Variants in TMEM132D observed in about 807,000 individuals in gnomAD.
TMEM132D encodes mature OL transmembrane protein.
A neutral mutation model predicts 62.3 loss-of-function variants in TMEM132D; 21 were observed. The observed-to-expected ratio is 0.34, with a 90% confidence interval of 0.24 to 0.49. TMEM132D has a LOEUF of 0.49. Among genes scored for constraint, TMEM132D ranks in the 20% least tolerant of loss-of-function variants. The pLI, the probability that TMEM132D is intolerant of heterozygous loss-of-function variation, is 0.99. For synonymous variants in TMEM132D, 621 were observed against 575.6 expected (o/e 1.08, Z -1.13); for missense variants, 1,346 against 1,402.8 (o/e 0.96, Z 0.65).
chr12:129,854,668 G>C (rs1397422687), intron 1 of TMEM132D: 1 of 152,218 alleles, frequency 6.6e-6, no homozygotes, highest in African/African-American at 2.4e-5. Context: ...CCAGCTGCGG[G>C]CCAGGAACTC....
chr12:129,524,394 A>G (rs892079398), intron 3 of TMEM132D, among the ~76,000 whole-genome samples: 4 of 152,180 alleles, frequency 2.6e-5, no homozygotes, highest in African/African-American at 9.7e-5. Flanking sequence ...ACATGCTACT[A>G]TTCAAGATTT....
chr12:129,496,023 C>T (rs997927619), intron 3 of TMEM132D, among the ~76,000 whole-genome samples: 5 of 152,202 alleles, frequency 3.3e-5, no homozygotes, highest in African/African-American at 1.2e-4. Flanking sequence ...GAGAACCTCG[C>T]ACCCTTTTTT....
intron 2 of TMEM132D, among the ~76,000 whole-genome samples, chr12:129,596,176 A>T (rs903772755): frequency 1.3e-5 from 2 of 152,182 alleles, no homozygotes; most frequent in African/African-American, 4.8e-5. Context: ...CAGGAGTACA[A>T]TGGAAAAACA....
intron 2 of TMEM132D, among the ~76,000 whole-genome samples, chr12:129,531,722 A>G (rs759146520): frequency 6.6e-6 from 1 of 152,156 alleles, no homozygotes; most frequent in African/African-American, 2.4e-5. Flanking sequence ...GGAAGGAACA[A>G]TGATGGCCTC....
chr12:129,287,966 A>G (rs961597534), intron 4 of TMEM132D, among the ~76,000 whole-genome samples: 1 of 152,166 alleles, frequency 6.6e-6, no homozygotes, highest in African/African-American at 2.4e-5. Flanking sequence ...ATATATTTCA[A>G]AATCGGGAAG....
In TMEM132D at chr12:129,240,140, A is replaced by T. The variant is rs1472122395; in HGVS notation, c.1300-30477T>A. ...AATATACGCAAGCATAAAGAATAAA[A>T]CAGCAATGAGCAGTAATCCCGCCAC... On this transcript the variant is annotated intron_variant, in intron 4 of 8. Coordinates refer to ENST00000422113, the MANE Select transcript of TMEM132D (RefSeq NM_133448.3). 4.6e-5 allele frequency among the ~76,000 whole-genome samples: 7 copies of T among 152,308 alleles called. No individual in the cohort carries two copies. In the Middle Eastern group the frequency reaches 0.01, roughly 222 times the overall value.
At position 129,884,043 on chromosome 12, in the gene TMEM132D, C is replaced by T. The variant is rs146453931; in HGVS notation, c.79+19218G>A. ...ACCTCCTGAGCTAAAGCGATCCTCC[C>T]ACCTCAGCCTCCCAAGAAACTAGGA... is the stretch of plus-strand genomic sequence containing the variant. On this transcript the variant is annotated intron_variant, in intron 1 of 8. Coordinates refer to ENST00000422113, the MANE Select transcript of TMEM132D (RefSeq NM_133448.3). 2.8e-4 allele frequency among the ~76,000 whole-genome samples: 43 copies of T among 152,292 alleles called. No homozygotes were observed. The East Asian group carries it at 7.9e-3, about 28-fold the overall frequency.
intron 1 of TMEM132D, among the ~76,000 whole-genome samples, chr12:129,792,532 C>T (rs10847949): frequency 0.57 from 86,658 of 152,022 alleles, 26,845 homozygotes; most frequent in Non-Finnish European, 0.71. Context: ...ACCTGTGAGG[C>T]ACCAGGCGCT....
chr12:129,117,941 A>G (rs1252785644), intron 5 of TMEM132D, among the ~76,000 whole-genome samples: 1 of 152,242 alleles, frequency 6.6e-6, no homozygotes, highest in Non-Finnish European at 1.5e-5. Flanking sequence ...AACAGCAGGA[A>G]GCATGTGTGG....
At chr12:129,717,806 C>G (rs1868643900) in intron 1 of TMEM132D, among the ~76,000 whole-genome samples, 1 of 152,122 alleles carries the variant, frequency 6.6e-6, no homozygotes, top group Non-Finnish European at 1.5e-5. Context: ...TCCAAGAACT[C>G]TAGCAATGCC....
Position 129,481,650 on chromosome 12 carries a change from G to C in TMEM132D, c.1115+49409C>G, listed in dbSNP as rs540109275. On this transcript the variant is annotated intron_variant, in intron 3 of 8. Transcript: ENST00000422113. Reference sequence around the variant, plus strand: ...TTTCAGCTGTAATATTGTCAAATTAGAAAAAAATAACATTTGCTATGAGCA... The same window carrying C: ...TTTCAGCTGTAATATTGTCAAATTACAAAAAAATAACATTTGCTATGAGCA... Among the ~76,000 whole-genome samples, 3 of 152,224 alleles carry C rather than the reference G, an allele frequency of 2.0e-5. No homozygotes were observed. The South Asian group carries it at 6.2e-4, about 32-fold the overall frequency.
intron 5 of TMEM132D, among the ~76,000 whole-genome samples, chr12:129,203,661 A>C (rs181642487): frequency 6.6e-6 from 1 of 152,096 alleles, no homozygotes; most frequent in African/African-American, 2.4e-5. Context: ...TGGGCAGGGA[A>C]CTCCACCCTC....
chr12:129,539,256 G>A (rs1876513939), intron 2 of TMEM132D, among the ~76,000 whole-genome samples: 1 of 147,258 alleles, frequency 6.8e-6, no homozygotes, highest in African/African-American at 2.6e-5. Context: ...TTTTGAGACA[G>A]ACTCTTACTC....
intron 3 of TMEM132D, among the ~76,000 whole-genome samples, chr12:129,395,949 TA>T (rs921553170): frequency 4.3e-4 from 62 of 144,026 alleles, no homozygotes; most frequent in Admixed American, 1.0e-3. Flanking sequence ...TAATGTATTA[TA>T]AAATAATATA....
intron 4 of TMEM132D, among the ~76,000 whole-genome samples, chr12:129,216,743 G>A (rs12307807): frequency 0.048 from 7,280 of 152,162 alleles, 374 homozygotes; most frequent in African/African-American, 0.12. Flanking sequence ...AAAAGGAAGC[G>A]CCTGGATGCC....
chr12:129,244,803 A>T (rs1380440352), intron 4 of TMEM132D, among the ~76,000 whole-genome samples: 2 of 151,822 alleles, frequency 1.3e-5, no homozygotes, highest in African/African-American at 2.4e-5. Flanking sequence ...ACCACACCTG[A>T]CTAATTTTTG....
chr12:129,422,815 T>C (rs913652761), intron 3 of TMEM132D, among the ~76,000 whole-genome samples: 11 of 152,076 alleles, frequency 7.2e-5, no homozygotes, highest in African/African-American at 1.2e-4. Context: ...AATGATTCTG[T>C]TTATTATGCA....
chr12:129,770,297 C>T (rs1238941493), intron 1 of TMEM132D, among the ~76,000 whole-genome samples: 1 of 151,968 alleles, frequency 6.6e-6, no homozygotes, highest in Non-Finnish European at 1.5e-5. Flanking sequence ...GCACATGCCA[C>T]CACACCTGGC....
chr12:129,298,088 T>A (rs11608281), intron 4 of TMEM132D, among the ~76,000 whole-genome samples: 15,492 of 152,122 alleles, frequency 0.1, 1,063 homozygotes, highest in Middle Eastern at 0.17. Flanking sequence ...GTGGGATTCA[T>A]ACATATCATC....
Sources: allele counts gnomAD v4.1 joint callset (sites outside exome capture counted in the v4.1 genomes callset), GRCh38; gene constraint gnomAD v4.1.1; transcripts MANE v1.5; gene names NCBI Gene and HGNC (gene_info 2026-07-23, HGNC 2026-07-21).